The following RANBP2 variants were observed in gnomAD, a reference collection of about 807,000 sequenced individuals.
The protein encoded by RANBP2 is RAN binding protein 2.
Under a neutral mutation model 303.6 loss-of-function variants are expected in RANBP2, and 57 were observed. The ratio of observed to expected loss-of-function variants is 0.19; its 90% confidence interval spans 0.15 to 0.23. RANBP2 has a LOEUF of 0.23. Ranked by LOEUF, RANBP2 falls within the 10% of genes least tolerant of loss-of-function variation. RANBP2 has a pLI of 1.00. For missense variants in RANBP2, 3,138 were observed against 3,780.8 expected (o/e 0.83, Z 4.46); for synonymous variants, 1,167 against 1,301.5 (o/e 0.90, Z 2.23).
chr2:109,437,722 T>A, the RANBP2 span, among the ~76,000 whole-genome samples: 1 of 151,378 alleles, frequency 6.6e-6, no homozygotes, highest in South Asian at 2.1e-4. Context: ...CTGGAGAAAC[T>A]TAAGGAAAAC....
At chr2:109,451,401 A>G in the RANBP2 span, among the ~76,000 whole-genome samples, 4 of 152,214 alleles carry the variant, frequency 2.6e-5, no homozygotes, top group Non-Finnish European at 5.9e-5. Context: ...AACCAGGGGC[A>G]GACTTGGAAA....
chr2:109,606,429 A>C, the RANBP2 span, among the ~76,000 whole-genome samples: 1 of 152,158 alleles, frequency 6.6e-6, no homozygotes, highest in Non-Finnish European at 1.5e-5. Context: ...ACAAAAAATA[A>C]AAAATAAAAT....
chr2:109,585,178 A>G, the RANBP2 span: 2 of 1,610,172 alleles, frequency 1.2e-6, no homozygotes, highest in Non-Finnish European at 1.7e-6. Flanking sequence ...ACAATGGTCA[A>G]TTTCAATTGA....
chr2:109,496,927 G>A, the RANBP2 span, among the ~76,000 whole-genome samples: 4 of 152,278 alleles, frequency 2.6e-5, no homozygotes, highest in South Asian at 8.3e-4. Flanking sequence ...GGTCAGAGTG[G>A]CATGATGTGA....
the RANBP2 span, among the ~76,000 whole-genome samples, chr2:109,131,463 A>G: frequency 4.6e-5 from 7 of 152,216 alleles, no homozygotes; most frequent in Non-Finnish European, 8.8e-5. Flanking sequence ...TATTTGCAGA[A>G]TAAGTGGGTT....
the RANBP2 span, among the ~76,000 whole-genome samples, chr2:109,400,134 A>T: frequency 6.6e-6 from 1 of 152,358 alleles, no homozygotes; most frequent in African/African-American, 2.4e-5. Context: ...GAATTGTCTT[A>T]AAAATTGCTG....
At chr2:109,625,084 CAACAAAAA>C in the RANBP2 span, among the ~76,000 whole-genome samples, 2 of 61,914 alleles carry the variant, frequency 3.2e-5, no homozygotes, top group Admixed American at 1.8e-4. Context: ...ACAACAACAA[CAACAAAAA>C]AAAAAAAAAA....
the RANBP2 span, among the ~76,000 whole-genome samples, chr2:108,819,498 A>C: frequency 6.6e-6 from 1 of 151,982 alleles, no homozygotes; most frequent in South Asian, 2.1e-4. Context: ...AGCACGTAAG[A>C]GCTGCGGAGA....
the RANBP2 span, among the ~76,000 whole-genome samples, chr2:109,600,509 G>A: frequency 1.3e-5 from 2 of 149,854 alleles, no homozygotes; most frequent in African/African-American, 4.9e-5. Context: ...GGACCTACCT[G>A]CTTATATTTC....
At chr2:108,860,935 C>CTTTTTGTT in the RANBP2 span, among the ~76,000 whole-genome samples, 1 of 37,914 alleles carries the variant, frequency 2.6e-5, no homozygotes, top group Non-Finnish European at 4.4e-5. Context: ...TGGTCCAGGA[C>CTTTTTGTT]TTTTTTTTTT....
chr2:108,938,822 A>C, the RANBP2 span, among the ~76,000 whole-genome samples: 4 of 107,774 alleles, frequency 3.7e-5, no homozygotes, highest in African/African-American at 1.1e-4. Context: ...CTTGCTCTGT[A>C]GCCCAGGCTG....
chr2:108,988,049 T>C, the RANBP2 span, among the ~76,000 whole-genome samples: 1 of 152,232 alleles, frequency 6.6e-6, no homozygotes, highest in Non-Finnish European at 1.5e-5. Flanking sequence ...GCCTGGGGAC[T>C]GGGGAAGAGG....
chr2:108,936,273 G>A, the RANBP2 span, among the ~76,000 whole-genome samples: 1 of 152,352 alleles, frequency 6.6e-6, no homozygotes, highest in East Asian at 1.9e-4. Flanking sequence ...TCTGTAGGAC[G>A]GATGTCCCTT....
At chr2:108,732,690 C>G (rs976541877) in intron 4 of RANBP2, among the ~76,000 whole-genome samples, 3 of 152,148 alleles carry the variant, frequency 2.0e-5, no homozygotes, top group Non-Finnish European at 2.9e-5. Context: ...TCATGCTGCC[C>G]CTTTTGTAGT....
At chr2:109,400,446 C>T in the RANBP2 span, among the ~76,000 whole-genome samples, 2 of 152,090 alleles carry the variant, frequency 1.3e-5, no homozygotes, top group East Asian at 3.9e-4. Flanking sequence ...ATATGCACCC[C>T]TTCCACATGC....
chr2:109,579,239 C>A, the RANBP2 span, among the ~76,000 whole-genome samples: 4 of 152,122 alleles, frequency 2.6e-5, no homozygotes, highest in African/African-American at 9.7e-5. Flanking sequence ...CAAAGTAAAA[C>A]CAACTCTGAA....
the RANBP2 span, among the ~76,000 whole-genome samples, chr2:109,609,176 A>G: frequency 6.6e-6 from 1 of 152,238 alleles, no homozygotes; most frequent in African/African-American, 2.4e-5. Context: ...TCATTAGAAC[A>G]TAAGTGTAGA....
chr2:109,359,127 C>T, the RANBP2 span, among the ~76,000 whole-genome samples: 16 of 152,144 alleles, frequency 1.1e-4, no homozygotes, highest in Admixed American at 9.8e-4. Flanking sequence ...TCTTCCATTC[C>T]ATTGATCTAG....
chr2:108,745,131 T>A (rs2378190), intron 7 of RANBP2, among the ~76,000 whole-genome samples: 7 of 146,700 alleles, frequency 4.8e-5, no homozygotes, highest in Non-Finnish European at 8.9e-5. Flanking sequence ...TTTTTTTTTT[T>A]AATGCTACTT....
Sources: allele counts gnomAD v4.1 joint callset (sites outside exome capture counted in the v4.1 genomes callset), GRCh38; gene constraint gnomAD v4.1.1; transcripts MANE v1.5; gene names NCBI Gene and HGNC (gene_info 2026-07-23, HGNC 2026-07-21).